Variants in IQCM observed in about 807,000 individuals in gnomAD.
IQCM encodes the protein IQ motif containing M, also known as IQ domain-containing protein M.
In IQCM, 45 loss-of-function variants were observed where a neutral mutation model predicts 57.6. The ratio of observed to expected loss-of-function variants is 0.78; its 90% CI spans 0.62 to 1.00. IQCM has a LOEUF of 1.00. Ranked by LOEUF, IQCM falls within the 50% of genes least tolerant of loss-of-function variation. The probability of loss-of-function intolerance (pLI) is 0.00; values close to 1 mark genes in which losing one functional copy is unlikely to be tolerated. For synonymous variants in IQCM, 148 were observed against 158.9 expected, an observed-to-expected ratio of 0.93 and a Z score of 0.51; for missense variants, 468 against 511.6, an observed-to-expected ratio of 0.91 and a Z score of 0.82.
chr4:149,512,365 G>C (rs924831471), intron 12 of IQCM, among the ~76,000 whole-genome samples: 23 of 152,110 alleles, frequency 1.5e-4, no homozygotes, highest in Admixed American at 2.6e-4. Flanking sequence ...CCACAACCTG[G>C]TTCTGCAAAT....
intron 7 of IQCM, among the ~76,000 whole-genome samples, chr4:149,631,447 T>C (rs895596659): frequency 3.3e-5 from 5 of 152,210 alleles, no homozygotes; most frequent in Non-Finnish European, 7.3e-5. Context: ...GTAAATATAA[T>C]ATAAATGTCC....
At chr4:149,412,270 A>T (rs1030654160) in intron 13 of IQCM, among the ~76,000 whole-genome samples, 5 of 152,148 alleles carry the variant, frequency 3.3e-5, no homozygotes, top group Admixed American at 3.3e-4. Context: ...AGCCTAAGAA[A>T]TTCCTCAAAA....
chr4:149,804,910 C>T (rs1367991340), intron 2 of IQCM, among the ~76,000 whole-genome samples: 1 of 151,996 alleles, frequency 6.6e-6, no homozygotes, highest in Non-Finnish European at 1.5e-5. Flanking sequence ...GCATCTAGGG[C>T]ATTTACTAGT....
At chr4:149,698,190 G>T (rs10857239) in intron 5 of IQCM, among the ~76,000 whole-genome samples, 22,411 of 151,700 alleles carry the variant, frequency 0.15, 2,055 homozygotes, top group South Asian at 0.33. Flanking sequence ...AGTTGTTATT[G>T]ACTATTCTTT....
chr4:149,564,141 T>G (rs1332891152), intron 9 of IQCM, among the ~76,000 whole-genome samples: 1 of 152,178 alleles, frequency 6.6e-6, no homozygotes, highest in African/African-American at 2.4e-5. Flanking sequence ...AGTGAATATG[T>G]CAGTCTATCT....
intron 10 of IQCM, among the ~76,000 whole-genome samples, chr4:149,554,160 G>A (rs1387732091): frequency 2.0e-5 from 3 of 151,918 alleles, no homozygotes; most frequent in African/African-American, 7.3e-5. Context: ...TCGCTGAGTT[G>A]GCTTTCCTTT....
chr4:149,571,422 T>C (rs945667338), intron 9 of IQCM, among the ~76,000 whole-genome samples: 2 of 152,098 alleles, frequency 1.3e-5, no homozygotes, highest in Non-Finnish European at 2.9e-5. Context: ...ACCTCACTCA[T>C]GTGGAATCTA....
intron 12 of IQCM, among the ~76,000 whole-genome samples, chr4:149,483,669 G>C (rs1450385970): frequency 2.0e-5 from 3 of 151,976 alleles, no homozygotes; most frequent in Non-Finnish European, 2.9e-5. Flanking sequence ...AATGCTTTGA[G>C]AGTTGTTTTG....
chr4:149,742,627 A>G, intron 3 of IQCM, 28 bp downstream of exon 3: 1 of 1,214,618 alleles, frequency 8.2e-7, no homozygotes, highest in Non-Finnish European at 1.0e-6. Flanking sequence ...TATGACTTGT[A>G]CTATGTTAGG....
At chr4:149,445,146 G>A (rs967952163) in intron 12 of IQCM, among the ~76,000 whole-genome samples, 1 of 151,794 alleles carries the variant, frequency 6.6e-6, no homozygotes, top group Admixed American at 6.6e-5. Context: ...TATAACCTGT[G>A]GACAGGCCTT....
At chr4:149,440,051 G>A (rs770035593) in intron 12 of IQCM, among the ~76,000 whole-genome samples, 6 of 150,468 alleles carry the variant, frequency 4.0e-5, no homozygotes, top group African/African-American at 1.2e-4. Flanking sequence ...CTGCTTCCTG[G>A]GTTCTAGCGA....
At chr4:149,649,896 T>G (rs1039343579) in intron 7 of IQCM, among the ~76,000 whole-genome samples, 1 of 152,172 alleles carries the variant, frequency 6.6e-6, no homozygotes, top group Non-Finnish European at 1.5e-5. Context: ...AACAAGGAAA[T>G]CCACGTCTCA....
At chr4:149,513,451 T>G (rs1178868649) in intron 12 of IQCM, among the ~76,000 whole-genome samples, 1 of 152,182 alleles carries the variant, frequency 6.6e-6, no homozygotes, top group Middle Eastern at 3.2e-3. Flanking sequence ...ACCACATTTA[T>G]CCATTTAGTT....
chr4:149,368,894 ATATATACACGTG>A (rs1730103987), intron 13 of IQCM, among the ~76,000 whole-genome samples: 1 of 95,462 alleles, frequency 1.0e-5, no homozygotes, highest in Admixed American at 1.1e-4. Context: ...ATATATGTAT[ATATATACACGTG>A]TATATATATG....
At chr4:149,717,464 T>C (rs1159354733) in intron 5 of IQCM, among the ~76,000 whole-genome samples, 2 of 152,210 alleles carry the variant, frequency 1.3e-5, no homozygotes, top group Non-Finnish European at 2.9e-5. Context: ...TTTCCCTTTA[T>C]AGCTGAGAAA....
At chr4:149,440,605 T>C (rs548934630) in intron 12 of IQCM, among the ~76,000 whole-genome samples, 1 of 152,128 alleles carries the variant, frequency 6.6e-6, no homozygotes, top group East Asian at 1.9e-4. Context: ...TATATACATT[T>C]TTTTCCTTTT....
intron 2 of IQCM, among the ~76,000 whole-genome samples, chr4:149,779,267 T>C (rs1473201887): frequency 6.6e-6 from 1 of 152,152 alleles, no homozygotes; most frequent in African/African-American, 2.4e-5. Context: ...CAGACAAGAT[T>C]ATTCTAAAAT....
At chr4:149,722,231 C>T (rs554795479) in intron 5 of IQCM, among the ~76,000 whole-genome samples, 261 of 152,142 alleles carry the variant, frequency 1.7e-3, no homozygotes, top group African/African-American at 5.1e-3. Context: ...ACATTTTCTC[C>T]CATTCTGTAG....
At chr4:149,513,222 C>G (rs970088291) in intron 12 of IQCM, among the ~76,000 whole-genome samples, 2 of 151,986 alleles carry the variant, frequency 1.3e-5, no homozygotes, top group African/African-American at 4.8e-5. Flanking sequence ...GGAGAGAGAG[C>G]TGGATATTTC....
Sources: allele counts gnomAD v4.1 joint callset (sites outside exome capture counted in the v4.1 genomes callset), GRCh38; gene constraint gnomAD v4.1.1; transcripts MANE v1.5; gene names NCBI Gene and HGNC (gene_info 2026-07-23, HGNC 2026-07-21).